The following DOCK2 variants were observed in gnomAD, a reference collection of about 807,000 sequenced individuals.
DOCK2 encodes the protein dedicator of cytokinesis 2, also known as dedicator of cytokinesis protein 2.
DOCK2 carries 87 observed loss-of-function variants against 248.9 expected under a neutral mutation model. The observed-to-expected ratio is 0.35, with a 90% CI of 0.29 to 0.42. The LOEUF (loss-of-function observed/expected upper bound fraction) is 0.42. DOCK2 is among the 10% of genes least tolerant of loss of function. The pLI, the probability that DOCK2 is intolerant of heterozygous loss-of-function variation, is 1.00. For missense variants in DOCK2, 1,747 were observed against 2,300.2 expected (o/e 0.76, Z 4.92); for synonymous variants, 805 against 821.6 (o/e 0.98, Z 0.35).
chr5:170,071,225 T>A (rs1376659948), intron 46 of DOCK2, among the ~76,000 whole-genome samples: 1 of 152,212 alleles, frequency 6.6e-6, no homozygotes, highest in Non-Finnish European at 1.5e-5. Context: ...ATTCCGTTTG[T>A]TCTTGCAACT....
intron 27 of DOCK2, among the ~76,000 whole-genome samples, chr5:169,931,295 A>T (rs967324882): frequency 1.3e-5 from 2 of 152,236 alleles, no homozygotes; most frequent in Non-Finnish European, 2.9e-5. Context: ...TGACAAAGCC[A>T]TCAAAGTACA....
At chr5:169,713,834 G>A (rs1761721074) in intron 17 of DOCK2, among the ~76,000 whole-genome samples, 194 bp from the exon 18 acceptor site, 1 of 152,150 alleles carries the variant, frequency 6.6e-6, no homozygotes, top group African/African-American at 2.4e-5. Context: ...TTCTATTAAT[G>A]TGTCTTTGAA....
At chr5:169,968,105 C>G (rs1474035816) in intron 27 of DOCK2, among the ~76,000 whole-genome samples, 2 of 152,194 alleles carry the variant, frequency 1.3e-5, no homozygotes, top group Non-Finnish European at 2.9e-5. Context: ...TCCTGGAATT[C>G]TCTTTACTTA....
At chr5:169,818,337 A>C (rs187432268) in intron 26 of DOCK2, among the ~76,000 whole-genome samples, 32 of 152,348 alleles carry the variant, frequency 2.1e-4, no homozygotes, top group African/African-American at 7.5e-4. Flanking sequence ...ATCCTAGCAC[A>C]GTGCCCAGCA....
intron 11 of DOCK2, among the ~76,000 whole-genome samples, chr5:169,699,146 T>C (rs1004039178): frequency 1.3e-5 from 2 of 152,196 alleles, no homozygotes; most frequent in Non-Finnish European, 2.9e-5. Context: ...ATAAGCATCT[T>C]CCTGGAGAAT....
At chr5:169,809,810 A>G (rs1337652583) in intron 26 of DOCK2, among the ~76,000 whole-genome samples, 1 of 152,228 alleles carries the variant, frequency 6.6e-6, no homozygotes, top group Non-Finnish European at 1.5e-5. Flanking sequence ...ACTGCGGCGG[A>G]GTGCCGTTCA....
At chr5:169,893,829 G>A (rs547651755) in intron 27 of DOCK2, among the ~76,000 whole-genome samples, 33 of 152,280 alleles carry the variant, frequency 2.2e-4, no homozygotes, top group African/African-American at 7.9e-4. Flanking sequence ...TTTCCACATG[G>A]GAGAGGGATC....
At chr5:169,703,180 T>C (rs1350915074) in intron 14 of DOCK2, among the ~76,000 whole-genome samples, 1 of 152,116 alleles carries the variant, frequency 6.6e-6, no homozygotes, top group East Asian at 1.9e-4. Context: ...TGGGCGAATA[T>C]TCCTCTTAGG....
chr5:169,696,973 CTCTGAT>C (rs1760670705), intron 10 of DOCK2, among the ~76,000 whole-genome samples: 1 of 152,092 alleles, frequency 6.6e-6, no homozygotes, highest in Non-Finnish European at 1.5e-5. Flanking sequence ...CTCTAAAATG[CTCTGAT>C]TCTACTTGTG....
At chr5:169,908,713 C>CTTTTTTTTTTT (rs34261104) in intron 27 of DOCK2, among the ~76,000 whole-genome samples, 11 of 105,038 alleles carry the variant, frequency 1.0e-4, no homozygotes, top group East Asian at 2.6e-4. Context: ...TTTCTTTTTT[C>CTTTTTTTTTTT]TTTTTTTTTT....
At chr5:170,006,656 G>T (rs1383733030) in intron 30 of DOCK2, among the ~76,000 whole-genome samples, 1 of 152,150 alleles carries the variant, frequency 6.6e-6, no homozygotes, top group Non-Finnish European at 1.5e-5. Flanking sequence ...TTGGGCCCTG[G>T]GTGATAAAGG....
intron 27 of DOCK2, among the ~76,000 whole-genome samples, chr5:169,951,211 A>G (rs941956188): frequency 1.3e-5 from 2 of 152,178 alleles, no homozygotes; most frequent in South Asian, 2.1e-4. Flanking sequence ...TCATTCCTTT[A>G]TCAAATGTGG....
intron 1 of DOCK2, among the ~76,000 whole-genome samples, chr5:169,649,080 A>C (rs1280863183): frequency 2.6e-5 from 4 of 152,222 alleles, no homozygotes; most frequent in Non-Finnish European, 5.9e-5. Context: ...CGATGAGCGC[A>C]TTTCACTTGA....
chr5:169,768,932 C>G (rs1039481474), intron 25 of DOCK2, among the ~76,000 whole-genome samples: 3 of 152,180 alleles, frequency 2.0e-5, no homozygotes, highest in African/African-American at 7.2e-5. Context: ...CCTTTAAGAA[C>G]CAAAGTAGAC....
chr5:169,947,872 G>A (rs1360465904), intron 27 of DOCK2, among the ~76,000 whole-genome samples: 1 of 152,138 alleles, frequency 6.6e-6, no homozygotes, highest in Middle Eastern at 3.2e-3. Context: ...CCTGCTGGGT[G>A]AGCATGAGCA....
chr5:169,720,809 C>T (rs71605725), intron 22 of DOCK2, among the ~76,000 whole-genome samples: 298 of 152,306 alleles, frequency 2.0e-3, no homozygotes, highest in Middle Eastern at 3.4e-3. Flanking sequence ...TGGCTCACTG[C>T]GATCTCCGCC....
chr5:169,729,956 T>C (rs1021767352), intron 22 of DOCK2, among the ~76,000 whole-genome samples: 1 of 152,104 alleles, frequency 6.6e-6, no homozygotes, highest in African/African-American at 2.4e-5. Flanking sequence ...GATATTTATT[T>C]ATTTATATTT....
At chr5:169,690,052 ATTTTT>A (rs530581976) in intron 9 of DOCK2, among the ~76,000 whole-genome samples, 3 of 134,978 alleles carry the variant, frequency 2.2e-5, no homozygotes, top group Non-Finnish European at 3.2e-5. Context: ...GAAGAGTGTG[ATTTTT>A]TTTTTTTTTT....
chr5:169,717,660 A>G (rs1420746894), intron 21 of DOCK2, among the ~76,000 whole-genome samples, 176 bp downstream of exon 21: 1 of 152,172 alleles, frequency 6.6e-6, no homozygotes, highest in African/African-American at 2.4e-5. Context: ...AATGTGGAAT[A>G]CCCATAGGTT....
Sources: gnomAD v4.1 joint callset for allele counts (sites outside exome capture counted in the v4.1 genomes callset) on GRCh38, gnomAD v4.1.1 for gene constraint, MANE v1.5 for transcripts, NCBI Gene and HGNC (gene_info 2026-07-23, HGNC 2026-07-21) for gene names.